ABCB5: variants seen among roughly 807,000 people sequenced by gnomAD.
ABCB5 encodes the protein ATP binding cassette subfamily B member 5.
ABCB5 carries 155 observed loss-of-function variants against 144.2 expected under a neutral mutation model. That is an observed-to-expected ratio of 1.08 (90% CI 0.94 to 1.23). ABCB5 has a LOEUF of 1.23. Among genes scored for constraint, ABCB5 ranks in the 50% most tolerant of loss-of-function variants. The pLI is 0.00. For missense variants in ABCB5, 1,830 were observed against 1,520.8 expected, an observed-to-expected ratio of 1.20 and a Z score of -3.38; for synonymous variants, 610 against 528.6, an observed-to-expected ratio of 1.15 and a Z score of -2.11.
intron 20 of ABCB5, among the ~76,000 whole-genome samples, chr7:20,708,420 C>T (rs920705088): frequency 1.3e-5 from 2 of 152,156 alleles, no homozygotes; most frequent in Non-Finnish European, 2.9e-5. Context: ...AGGAGGATCG[C>T]TCGAGCCTGG....
intron 24 of ABCB5, among the ~76,000 whole-genome samples, chr7:20,742,329 A>C (rs1192470810): frequency 6.6e-6 from 1 of 151,862 alleles, no homozygotes; most frequent in Non-Finnish European, 1.5e-5. Context: ...AGCCGAGATC[A>C]CACCACTGCC....
chr7:20,753,110 A>T (rs1782982940), intron 26 of ABCB5, among the ~76,000 whole-genome samples: 1 of 152,076 alleles, frequency 6.6e-6, no homozygotes, highest in African/African-American at 2.4e-5. Context: ...AATTTGAAAA[A>T]TTTCTTTGTG....
At chr7:20,698,663 C>T (rs1203618712) in intron 17 of ABCB5, 113 bp downstream of exon 17, 10 of 1,000,034 alleles carry the variant, frequency 1.0e-5, no homozygotes, top group Non-Finnish European at 1.4e-5. Context: ...TTTAGTGGGC[C>T]GCCCCTAGTG....
At chr7:20,714,520 CT>C (rs1435510386) in intron 20 of ABCB5, among the ~76,000 whole-genome samples, 1 of 152,074 alleles carries the variant, frequency 6.6e-6, no homozygotes, top group Non-Finnish European at 1.5e-5. Flanking sequence ...GGCCAAGAGT[CT>C]CTTATTTTCT....
rs150354803 is a variant in ABCB5, at chr7:20,622,350, G to C, written c.-21-915G>C. Among the ~76,000 whole-genome samples the C allele has an allele frequency of 1.8e-3, 271 of 152,244 alleles. 1 individual carries two copies. Among genetic ancestry groups the C allele is most frequent in the African/African-American group, 6.3e-3 (263 of 41,572 alleles). On this transcript the variant is annotated intron_variant, in intron 1 of 27. Coordinates refer to ENST00000404938, the MANE Select transcript of ABCB5 (RefSeq NM_001163941.2). ...CAGTTGTAAATATCTCCCATATGAA[G>C]TATGACCATTTACTTCTGTAAAAGG...
At chr7:20,648,450 C>T (rs911269982) in intron 11 of ABCB5, among the ~76,000 whole-genome samples, 7 of 152,054 alleles carry the variant, frequency 4.6e-5, no homozygotes, top group Admixed American at 4.6e-4. Flanking sequence ...TGCACATGTG[C>T]CTTTCCCTTC....
At chr7:20,677,019 C>T (rs544564686) in intron 14 of ABCB5, among the ~76,000 whole-genome samples, 2 of 152,032 alleles carry the variant, frequency 1.3e-5, no homozygotes, top group Admixed American at 6.6e-5. Flanking sequence ...TAGTTAATTA[C>T]CTTGTAATGT....
intron 14 of ABCB5, among the ~76,000 whole-genome samples, chr7:20,673,451 C>T (rs1340933296): frequency 1.3e-5 from 2 of 152,006 alleles, no homozygotes; most frequent in Non-Finnish European, 2.9e-5. Context: ...TGTTATTACA[C>T]ACATAAATAT....
intron 16 of ABCB5, among the ~76,000 whole-genome samples, chr7:20,687,277 A>G (rs1786033474): frequency 6.6e-6 from 1 of 152,246 alleles, no homozygotes; most frequent in African/African-American, 2.4e-5. Context: ...GTGGATTTTC[A>G]AAACCTAAGA....
chr7:20,707,554 T>A (rs1336265155), intron 20 of ABCB5, among the ~76,000 whole-genome samples: 3 of 152,204 alleles, frequency 2.0e-5, no homozygotes, highest in East Asian at 1.9e-4. Flanking sequence ...ATTTTGGCGA[T>A]CTCTTTTCAT....
intron 23 of ABCB5, among the ~76,000 whole-genome samples, chr7:20,730,517 TA>T (rs1457785251): frequency 3.9e-5 from 6 of 152,066 alleles, no homozygotes; most frequent in Non-Finnish European, 8.8e-5. Context: ...TCAAAAAATT[TA>T]AAATAAAATT....
intron 9 of ABCB5, 97 bp from the exon 10 acceptor site, chr7:20,647,438 T>A: frequency 7.1e-7 from 1 of 1,414,978 alleles, no homozygotes; most frequent in South Asian, 1.8e-5. Flanking sequence ...TCCTCTAATA[T>A]CTCTCTGTGA....
At chr7:20,734,561 G>C (rs1782323894) in intron 23 of ABCB5, among the ~76,000 whole-genome samples, 1 of 151,406 alleles carries the variant, frequency 6.6e-6, no homozygotes, top group Non-Finnish European at 1.5e-5. Context: ...CAGAAAGGGA[G>C]ATACACAAAG....
chr7:20,632,676 C>T (rs2128019490), intron 5 of ABCB5, among the ~76,000 whole-genome samples: 1 of 152,192 alleles, frequency 6.6e-6, no homozygotes, highest in East Asian at 1.9e-4. Flanking sequence ...GAATACTATG[C>T]AGCCATAAAA....
rs200714278 is a variant in ABCB5 at position 20,643,533 on chromosome 7, G to C, written c.579G>C (p.Ser193=). 3 of 1,613,796 alleles carry C rather than the reference G, an allele frequency of 1.9e-6. No homozygotes were observed. The highest frequency in any genetic ancestry group is 1.1e-5 in the South Asian group (1 of 91,082). ...ALLFQNMSTF[S]IGLAVGLVKG... is the part of the protein sequence containing the mutation. ...TGTTTCAAAACATGTCTACTTTTTC[G>C]ATTGGCCTGGCAGTTGGTTTGGTGA... Residue 193 remains serine, a synonymous_variant, in exon 7 of 28, where the codon TCG becomes TCC. Coordinates refer to ENST00000404938, the MANE Select transcript of ABCB5 (RefSeq NM_001163941.2).
At chr7:20,751,420 G>A (rs571682798) in intron 26 of ABCB5, among the ~76,000 whole-genome samples, 3 of 152,224 alleles carry the variant, frequency 2.0e-5, no homozygotes, top group Non-Finnish European at 2.9e-5. Context: ...GCAGTGAGCC[G>A]AGATCGCGTC....
chr7:20,623,188 G>T, intron 1 of ABCB5, 77 bp from the exon 2 acceptor site: 1 of 839,570 alleles, frequency 1.2e-6, no homozygotes, highest in Non-Finnish European at 1.9e-6. Flanking sequence ...AGAGATGTGG[G>T]ATGTAAAGAA....
chr7:20,735,953 A>G (rs1782366433), intron 23 of ABCB5, among the ~76,000 whole-genome samples: 1 of 152,226 alleles, frequency 6.6e-6, no homozygotes, highest in African/African-American at 2.4e-5. Context: ...AGATCCAAAG[A>G]ACCAAATAAA....
chr7:20,666,820 G>T, intron 14 of ABCB5: 1 of 1,567,950 alleles, frequency 6.4e-7, no homozygotes, highest in Middle Eastern at 1.7e-4. Context: ...GAGGTATCTG[G>T]AACCACAGTG....
Sources: gnomAD v4.1 joint callset for allele counts (sites outside exome capture counted in the v4.1 genomes callset) on GRCh38, gnomAD v4.1.1 for gene constraint, MANE v1.5 for transcripts, NCBI Gene and HGNC (gene_info 2026-07-23, HGNC 2026-07-21) for gene names.